Variants in ARHGAP15 observed in about 807,000 individuals in gnomAD.
ARHGAP15 encodes the protein rho GTPase-activating protein 15.
ARHGAP15 carries 51 observed loss-of-function variants against 63.7 expected under a neutral mutation model. That is an observed-to-expected ratio of 0.80 (90% CI 0.64 to 1.01). ARHGAP15 has a LOEUF of 1.01. Ranked by LOEUF, ARHGAP15 falls within the 50% of genes least tolerant of loss-of-function variation. The pLI, the probability that ARHGAP15 is intolerant of heterozygous loss-of-function variation, is 0.00. For synonymous variants in ARHGAP15, 191 were observed against 193.8 expected, an observed-to-expected ratio of 0.99 and a Z score of 0.12; for missense variants, 560 against 564.6, an observed-to-expected ratio of 0.99 and a Z score of 0.08.
At chr2:143,296,970 T>A (rs1319901121) in intron 6 of ARHGAP15, among the ~76,000 whole-genome samples, 1 of 151,990 alleles carries the variant, frequency 6.6e-6, no homozygotes, top group Non-Finnish European at 1.5e-5. Context: ...TATACCTTTT[T>A]TTCCTTAGGT....
intron 4 of ARHGAP15, among the ~76,000 whole-genome samples, chr2:143,217,485 T>C (rs1692800518): frequency 6.6e-6 from 1 of 152,226 alleles, no homozygotes; most frequent in Non-Finnish European, 1.5e-5. Flanking sequence ...GGACTGTTTT[T>C]CTGGAGTGGC....
chr2:143,541,242 AC>A (rs1457821946), intron 10 of ARHGAP15, among the ~76,000 whole-genome samples: 1 of 151,770 alleles, frequency 6.6e-6, no homozygotes. Flanking sequence ...TCCTTTAAGG[AC>A]TTCTCTGCAT....
rs554815797 is a variant in ARHGAP15 at position 143,290,980 on chromosome 2, A to G, written c.474+40380A>G. 9.1e-4 allele frequency among the ~76,000 whole-genome samples: 138 copies of G among 152,210 alleles called. No homozygotes were observed. The Middle Eastern group carries it at 0.01, about 11-fold the overall frequency. On this transcript the variant is annotated intron_variant, in intron 6 of 13. Transcript: ENST00000295095. Reference sequence around the variant, plus strand: ...AAAGACAGAAGAGAAGGAAGAAGACAGGGTGTTATGAAGTGGCCAGTGAGA... The same window carrying G: ...AAAGACAGAAGAGAAGGAAGAAGACGGGGTGTTATGAAGTGGCCAGTGAGA...
At chr2:143,448,554 T>G (rs1322048200) in intron 8 of ARHGAP15, among the ~76,000 whole-genome samples, 1 of 151,974 alleles carries the variant, frequency 6.6e-6, no homozygotes, top group East Asian at 1.9e-4. Context: ...GAAGAAAGAT[T>G]CCAGAGATAT....
At chr2:143,751,163 C>T (rs1041053426) in intron 13 of ARHGAP15, among the ~76,000 whole-genome samples, 6 of 152,172 alleles carry the variant, frequency 3.9e-5, no homozygotes, top group Non-Finnish European at 7.3e-5. Flanking sequence ...GACATTGGGC[C>T]GGACAAAGCC....
intron 11 of ARHGAP15, among the ~76,000 whole-genome samples, chr2:143,575,125 C>A (rs1331622448): frequency 3.3e-5 from 5 of 152,144 alleles, no homozygotes; most frequent in Non-Finnish European, 7.4e-5. Flanking sequence ...ATATATTTCT[C>A]TAGTGAAAAT....
At chr2:143,585,686 T>A (rs1347151819) in intron 11 of ARHGAP15, among the ~76,000 whole-genome samples, 1 of 152,192 alleles carries the variant, frequency 6.6e-6, no homozygotes, top group African/African-American at 2.4e-5. Flanking sequence ...AAAAGTGTTT[T>A]TATTTTAGAC....
intron 12 of ARHGAP15, among the ~76,000 whole-genome samples, chr2:143,625,386 T>A (rs902183408): frequency 6.6e-6 from 1 of 152,156 alleles, no homozygotes; most frequent in Non-Finnish European, 1.5e-5. Flanking sequence ...GGCAAAACGG[T>A]ATCAAGAAAA....
At chr2:143,510,920 C>T (rs1693556881) in intron 9 of ARHGAP15, among the ~76,000 whole-genome samples, 1 of 152,180 alleles carries the variant, frequency 6.6e-6, no homozygotes, top group Non-Finnish European at 1.5e-5. Flanking sequence ...AGACTGTCTC[C>T]TGCATAAATG....
At chr2:143,453,433 TAAGTA>T (rs917417042) in intron 8 of ARHGAP15, among the ~76,000 whole-genome samples, 29 of 152,002 alleles carry the variant, frequency 1.9e-4, no homozygotes, top group African/African-American at 6.8e-4. Context: ...TAAATTAGAT[TAAGTA>T]ATGTAACGTT....
intron 13 of ARHGAP15, among the ~76,000 whole-genome samples, chr2:143,761,988 C>T (rs1023248403): frequency 6.6e-6 from 1 of 152,106 alleles, no homozygotes; most frequent in East Asian, 1.9e-4. Flanking sequence ...ATACAAAGTG[C>T]TATTTCATGA....
At chr2:143,369,193 T>C (rs921725412) in intron 6 of ARHGAP15, among the ~76,000 whole-genome samples, 4 of 152,170 alleles carry the variant, frequency 2.6e-5, no homozygotes, top group African/African-American at 7.2e-5. Context: ...CTTATAACTA[T>C]GTTCATAGTA....
At chr2:143,573,502 A>G (rs1373343385) in intron 11 of ARHGAP15, among the ~76,000 whole-genome samples, 2 of 152,192 alleles carry the variant, frequency 1.3e-5, no homozygotes, top group Non-Finnish European at 2.9e-5. Context: ...CAGAGTAAAA[A>G]TTACAATAAA....
chr2:143,432,209 G>T (rs578043463), intron 6 of ARHGAP15, among the ~76,000 whole-genome samples: 18 of 151,846 alleles, frequency 1.2e-4, no homozygotes, highest in Non-Finnish European at 2.1e-4. Flanking sequence ...AAAAGGTTTT[G>T]TTTATATTCT....
intron 13 of ARHGAP15, among the ~76,000 whole-genome samples, chr2:143,729,045 G>C (rs1685416022): frequency 6.6e-6 from 1 of 152,192 alleles, no homozygotes. Flanking sequence ...TAAAAAGTCT[G>C]AAGGTGGACG....
intron 11 of ARHGAP15, among the ~76,000 whole-genome samples, chr2:143,574,824 T>C (rs1053383628): frequency 3.3e-5 from 5 of 152,224 alleles, no homozygotes; most frequent in African/African-American, 1.2e-4. Flanking sequence ...TAGAAATGTC[T>C]TCTGAGGAAA....
chr2:143,470,989 T>A (rs1574494011), intron 8 of ARHGAP15, among the ~76,000 whole-genome samples: 1 of 116,692 alleles, frequency 8.6e-6, no homozygotes, highest in East Asian at 2.7e-4. Context: ...ACGTGTATCA[T>A]ATACATGTGT....
At chr2:143,720,269 A>T (rs575078936) in intron 13 of ARHGAP15, among the ~76,000 whole-genome samples, 3 of 151,932 alleles carry the variant, frequency 2.0e-5, no homozygotes, top group South Asian at 2.1e-4. Context: ...AGTGAACAAT[A>T]CTTTACCTAA....
At chr2:143,749,683 ATTATT>A (rs1269786051) in intron 13 of ARHGAP15, among the ~76,000 whole-genome samples, 1 of 152,248 alleles carries the variant, frequency 6.6e-6, no homozygotes, top group Non-Finnish European at 1.5e-5. Context: ...GATAGGAGTA[ATTATT>A]TTAACATTTA....
Sources: gnomAD v4.1 joint callset for allele counts (sites outside exome capture counted in the v4.1 genomes callset) on GRCh38, gnomAD v4.1.1 for gene constraint, MANE v1.5 for transcripts, NCBI Gene and HGNC (gene_info 2026-07-23, HGNC 2026-07-21) for gene names.